Variants in PPIL6 observed in about 807,000 individuals in gnomAD.
The protein encoded by PPIL6 is peptidylprolyl isomerase like 6.
In PPIL6, 39 loss-of-function variants were observed where a neutral mutation model predicts 36.8. The observed-to-expected ratio is 1.06, with a 90% CI of 0.82 to 1.38. The LOEUF (loss-of-function observed/expected upper bound fraction) is 1.38. PPIL6 is among the 40% of genes most tolerant of loss of function. The probability of loss-of-function intolerance (pLI) is 0.00; values close to 1 mark genes in which losing one functional copy is unlikely to be tolerated. For synonymous variants in PPIL6, 123 were observed against 134.1 expected (o/e 0.92, Z 0.57); for missense variants, 368 against 379.1 (o/e 0.97, Z 0.24).
At chr6:109,417,019 A>C (rs1331448807) in intron 6 of PPIL6, among the ~76,000 whole-genome samples, 1 of 151,556 alleles carries the variant, frequency 6.6e-6, no homozygotes, top group Non-Finnish European at 1.5e-5. Flanking sequence ...CTTTTTTTTA[A>C]AATTAGCCAG....
At position 109,431,298 on chromosome 6, in the gene PPIL6, A is replaced by G. The variant is rs778159610; in HGVS notation, c.279T>C (p.Phe93=). ...TWEYSSSVIS[F]VNGQFLGDAL... ...CATCACCCAGAAACTGACCATTAAC[A>G]AAAGAAATCACAGAGGAAGAATATT... Residue 93 remains phenylalanine, a synonymous_variant, in exon 3 of 8, where the codon TTT becomes TTC. Transcript: ENST00000521072. 1.9e-6 allele frequency: 3 copies of G among 1,612,392 alleles called. No individual in the cohort carries two copies. In the Admixed American group the frequency reaches 5.0e-5, roughly 27 times the overall value.
chr6:109,431,653 T>C (rs1774164742), intron 2 of PPIL6, among the ~76,000 whole-genome samples: 1 of 152,182 alleles, frequency 6.6e-6, no homozygotes, highest in African/African-American at 2.4e-5. Flanking sequence ...CAGAAAGGCA[T>C]TTAAAATGTA....
At chr6:109,433,246 G>A (rs1582598163) in intron 2 of PPIL6, among the ~76,000 whole-genome samples, 1 of 151,960 alleles carries the variant, frequency 6.6e-6, no homozygotes, top group Non-Finnish European at 1.5e-5. Context: ...TAGTAGAAAT[G>A]GGGTTTCACC....
chr6:109,422,793 G>C (rs1414507583), intron 5 of PPIL6, among the ~76,000 whole-genome samples: 1 of 152,198 alleles, frequency 6.6e-6, no homozygotes, highest in Non-Finnish European at 1.5e-5. Context: ...TCCTATAAAT[G>C]TAAGTCAAAT....
At chr6:109,430,720 C>T (rs1774097536) in intron 3 of PPIL6, among the ~76,000 whole-genome samples, 1 of 152,168 alleles carries the variant, frequency 6.6e-6, no homozygotes, top group Non-Finnish European at 1.5e-5. Flanking sequence ...CCACCGCGCC[C>T]GGCCTGTGTT....
At position 109,436,443 on chromosome 6, in the gene PPIL6, C is replaced by T. The variant is rs576191201; in HGVS notation, c.136-244G>A. On this transcript the variant is annotated intron_variant, in intron 1 of 7. Transcript: ENST00000521072. ...CAAGAACTATGTCTTAGAGGCTGGGCGCAGTGGCTCACACCTGTAATCTCA... is the reference window on the plus strand; with the variant it reads ...CAAGAACTATGTCTTAGAGGCTGGGTGCAGTGGCTCACACCTGTAATCTCA... 5.9e-5 allele frequency among the ~76,000 whole-genome samples: 9 copies of T among 152,228 alleles called. No individual in the cohort carries two copies. The East Asian group carries it at 7.7e-4, about 13-fold the overall frequency.
At chr6:109,394,358 C>T (rs111294492) in intron 7 of PPIL6, among the ~76,000 whole-genome samples, 3 of 122,730 alleles carry the variant, frequency 2.4e-5, no homozygotes, top group East Asian at 4.7e-4. Context: ...GGCCATAGAG[C>T]GAGACTTATC....
intron 6 of PPIL6, chr6:109,405,049 C>G: frequency 2.6e-6 from 1 of 381,232 alleles, no homozygotes; most frequent in Admixed American, 3.7e-5. Context: ...GAGACTCCGT[C>G]TCAAAAAAGG....
chr6:109,403,411 T>G (rs1772645522), intron 6 of PPIL6, among the ~76,000 whole-genome samples: 1 of 152,228 alleles, frequency 6.6e-6, no homozygotes, highest in Admixed American at 6.5e-5. Context: ...AATGCACCCT[T>G]TGGCAGTAAA....
At chr6:109,432,372 C>T (rs192427895) in intron 2 of PPIL6, among the ~76,000 whole-genome samples, 4 of 152,242 alleles carry the variant, frequency 2.6e-5, no homozygotes, top group Admixed American at 1.3e-4. Flanking sequence ...ATCAACACAA[C>T]GCTGATGGTA....
chr6:109,440,812 G>C (rs1178861703), upstream of PPIL6: 3 of 368,954 alleles, frequency 8.1e-6, no homozygotes, highest in Non-Finnish European at 1.4e-5. Flanking sequence ...ACCGGGAGCC[G>C]CCCACCCGGG....
At chr6:109,401,228 G>A (rs1438503470) in intron 6 of PPIL6, among the ~76,000 whole-genome samples, 1 of 152,024 alleles carries the variant, frequency 6.6e-6, no homozygotes, top group Non-Finnish European at 1.5e-5. Context: ...CCAAGATTTT[G>A]TGGAAAGCAA....
chr6:109,416,439 G>T (rs1380129252), intron 6 of PPIL6, among the ~76,000 whole-genome samples: 2 of 150,980 alleles, frequency 1.3e-5, no homozygotes, highest in African/African-American at 4.9e-5. Context: ...CTGACCTCAG[G>T]TGATCCACCC....
intron 7 of PPIL6, among the ~76,000 whole-genome samples, chr6:109,399,140 C>G (rs1772421063): frequency 6.6e-6 from 1 of 151,880 alleles, no homozygotes; most frequent in Non-Finnish European, 1.5e-5. Flanking sequence ...CAGAGTCTTG[C>G]TCTGTCGCCC....
intron 5 of PPIL6, among the ~76,000 whole-genome samples, chr6:109,426,007 A>G (rs1436077366): frequency 1.3e-5 from 2 of 152,236 alleles, no homozygotes; most frequent in African/African-American, 4.8e-5. Context: ...TAGACACCAC[A>G]TATTCAGTGG....
chr6:109,433,358 G>C (rs1053264094), intron 2 of PPIL6, among the ~76,000 whole-genome samples: 1 of 152,158 alleles, frequency 6.6e-6, no homozygotes. Context: ...CACCCTGCCA[G>C]GACCCAGAAC....
chr6:109,413,979 G>A lies in PPIL6; in HGVS notation c.688+5208C>T, dbSNP rs1216659024. Among the ~76,000 whole-genome samples the A allele has an allele frequency of 6.6e-6, 1 of 152,008 alleles. No homozygotes were observed. Among genetic ancestry groups the A allele is most frequent in the Non-Finnish European group, 1.5e-5 (1 of 68,016 alleles). ...CCAGAAACTGGGAAGGGTAGTGAGG[G>A]TTAAAGGAGGGTGGTGAGGATGGTT... On this transcript the variant is annotated intron_variant, in intron 6 of 7. Transcript: ENST00000521072. This position sits in a 1 kb window ranked among gnomAD's most constrained non-coding sequence, Gnocchi z 4.6.
intron 6 of PPIL6, among the ~76,000 whole-genome samples, chr6:109,407,309 G>A (rs1317704915): frequency 2.0e-5 from 3 of 150,852 alleles, no homozygotes; most frequent in East Asian, 1.9e-4. Context: ...GCGCTATCTC[G>A]GCTCACTGCA....
At position 109,391,013 on chromosome 6, in the gene PPIL6, G is replaced by C. The variant is rs1054998759; in HGVS notation, c.*1813C>G. ...GTAAGAAAAGCACTCTCAGCCGGGT[G>C]CGGTGGCTCACGCCTTTGTAATCTC... On this transcript the variant is annotated 3_prime_UTR_variant, in exon 8 of 8. Transcript: ENST00000521072. 1 of 152,176 alleles carries C rather than the reference G, an allele frequency of 6.6e-6. No individual in the cohort carries two copies. Among genetic ancestry groups the C allele is most frequent in the African/African-American group, 2.4e-5 (1 of 41,432 alleles). 9.4% of individuals were successfully genotyped at this position (152,176 alleles called of 1,614,324 possible).
Sources: gnomAD v4.1 joint callset for allele counts (sites outside exome capture counted in the v4.1 genomes callset) on GRCh38, gnomAD v4.1.1 for gene constraint, Gnocchi (gnomAD v3.1) non-coding constraint, MANE v1.5 for transcripts, NCBI Gene and HGNC (gene_info 2026-07-23, HGNC 2026-07-21) for gene names.